CUX1: variants seen among roughly 807,000 people sequenced by gnomAD.
CUX1 encodes the protein cut like homeobox 1.
Under a neutral mutation model 158.8 loss-of-function variants are expected in CUX1, and 31 were observed. The ratio of observed to expected loss-of-function variants is 0.20; its 90% CI spans 0.15 to 0.26. The LOEUF is 0.26. CUX1 is among the 10% of genes least tolerant of loss of function. CUX1 has a pLI of 1.00. For synonymous variants in CUX1, 879 were observed against 862.1 expected, an observed-to-expected ratio of 1.02 and a Z score of -0.34; for missense variants, 1,589 against 2,014.6, an observed-to-expected ratio of 0.79 and a Z score of 4.04.
chr7:102,124,042 C>T (rs530839791), intron 8 of CUX1, among the ~76,000 whole-genome samples: 1 of 152,208 alleles, frequency 6.6e-6, no homozygotes, highest in African/African-American at 2.4e-5. Flanking sequence ...CTGGGTTTGG[C>T]GTGCATTCCT....
At chr7:102,079,345 C>T (rs558765458) in intron 4 of CUX1, among the ~76,000 whole-genome samples, 3 of 151,760 alleles carry the variant, frequency 2.0e-5, no homozygotes, top group East Asian at 1.9e-4. Context: ...TGCTGAGTCA[C>T]GAGAATCGCT....
intron 3 of CUX1, among the ~76,000 whole-genome samples, chr7:102,065,978 A>T (rs1306324197): frequency 6.6e-6 from 1 of 151,986 alleles, no homozygotes; most frequent in Non-Finnish European, 1.5e-5. Flanking sequence ...TTTAGTAGAG[A>T]CAGGGTTTCA....
At chr7:102,060,586 TATATATACACACACACAAATAAACACAC>T (rs769113975) in intron 3 of CUX1, among the ~76,000 whole-genome samples, 38 of 140,042 alleles carry the variant, frequency 2.7e-4, no homozygotes, top group African/African-American at 6.2e-4. Flanking sequence ...TATACATATA[TATATATACACACACACAAATAAACACAC>T]ACACACACAC....
At chr7:102,172,106 G>A (rs1554510593) in intron 10 of CUX1, among the ~76,000 whole-genome samples, 1 of 151,862 alleles carries the variant, frequency 6.6e-6, no homozygotes, top group African/African-American at 2.4e-5. Flanking sequence ...TTTTTTTTGA[G>A]AGAGAGTCTT....
rs782452574 is a variant in CUX1, at chr7:102,201,540, C to T, written c.2243C>T (p.Thr748Ile). 1.1e-5 allele frequency: 18 copies of T among 1,614,046 alleles called. No homozygotes were observed. The highest frequency in any genetic ancestry group is 2.7e-5 in the African/African-American group (2 of 74,912). Reference sequence around the variant, plus strand: ...ATCCTCACCCCCAAGCTTCTGTCCACCTCGCCCATGCCCACCGTGTCCAGC... The same window carrying T: ...ATCCTCACCCCCAAGCTTCTGTCCATCTCGCCCATGCCCACCGTGTCCAGC... The part of the protein sequence containing the change: ...ITILTPKLLS[T>I]SPMPTVSSYP... Residue 748 changes from threonine (T) to isoleucine (I), a missense_variant, in exon 18 of 24, where the codon ACC becomes ATC. Thr to Ile is a moderately conservative substitution (Grantham distance 89, BLOSUM62 -1). Transcript: ENST00000292535. The surrounding 1 kb of genome is among the most constrained non-coding windows in gnomAD (Gnocchi z 5.0).
At chr7:102,260,612 T>TG (rs1268610894), downstream of CUX1, among the ~76,000 whole-genome samples, 6 of 75,202 alleles carry the variant, frequency 8.0e-5, no homozygotes, top group Admixed American at 2.0e-4. Context: ...TTAGTAGAGA[T>TG]GGGGTTTCAC....
chr7:102,264,119 C>T (rs997134636), intron 14 of CUX1, among the ~76,000 whole-genome samples: 3 of 151,076 alleles, frequency 2.0e-5, no homozygotes, highest in Non-Finnish European at 4.4e-5. Flanking sequence ...GATTCTCCTG[C>T]CTCAGCCTCC....
chr7:102,160,777 G>A (rs1163252997), intron 9 of CUX1, among the ~76,000 whole-genome samples: 3 of 152,162 alleles, frequency 2.0e-5, no homozygotes, highest in African/African-American at 7.2e-5. Context: ...TGACTGCCAG[G>A]GACGAGGAGA....
intron 2 of CUX1, among the ~76,000 whole-genome samples, chr7:102,025,970 A>T (rs929317153): frequency 5.9e-5 from 9 of 152,020 alleles, no homozygotes; most frequent in Non-Finnish European, 1.3e-4. Flanking sequence ...TGAGTCCAGG[A>T]ATTCAAGACC....
intron 17 of CUX1, among the ~76,000 whole-genome samples, chr7:102,275,655 G>C (rs2132816784): frequency 6.6e-6 from 1 of 152,254 alleles, no homozygotes; most frequent in South Asian, 2.1e-4. Context: ...GGGAGGCGTG[G>C]CCTTCAATCT....
At chr7:102,062,197 A>C (rs1417770465) in intron 3 of CUX1, among the ~76,000 whole-genome samples, 1 of 152,200 alleles carries the variant, frequency 6.6e-6, no homozygotes, top group African/African-American at 2.4e-5. Context: ...GACATCACTG[A>C]GGAGGGAAAG....
chr7:102,106,865 C>T (rs1317956634), intron 6 of CUX1, among the ~76,000 whole-genome samples: 1 of 152,180 alleles, frequency 6.6e-6, no homozygotes, highest in Admixed American at 6.5e-5. Context: ...GCTAAGCCCT[C>T]CTTTGGGGCT....
chr7:102,056,645 A>T (rs1333277150), intron 3 of CUX1, among the ~76,000 whole-genome samples: 3 of 152,212 alleles, frequency 2.0e-5, no homozygotes, highest in African/African-American at 7.2e-5. Context: ...ACTTCAGCAC[A>T]CTGCAACCTC....
chr7:102,060,139 G>C (rs983234118), intron 3 of CUX1, among the ~76,000 whole-genome samples: 1 of 151,928 alleles, frequency 6.6e-6, no homozygotes, highest in Non-Finnish European at 1.5e-5. Flanking sequence ...GTAGCTGGGC[G>C]TGGTAGTGGG....
chr7:101,922,222 C>G (rs999873428), intron 2 of CUX1, among the ~76,000 whole-genome samples: 10 of 152,316 alleles, frequency 6.6e-5, no homozygotes, highest in Non-Finnish European at 1.5e-4. Flanking sequence ...AACCCTATCT[C>G]CATTCTTTAA....
intron 1 of CUX1, among the ~76,000 whole-genome samples, chr7:101,820,480 A>G (rs1482397626): frequency 1.3e-5 from 2 of 152,252 alleles, no homozygotes; most frequent in Admixed American, 1.3e-4. Flanking sequence ...TCAAATATAC[A>G]GGATCCAGGA....
At position 101,984,115 on chromosome 7, in the gene CUX1, TATATATATATATATAC is replaced by T. The variant is rs1474898643; in HGVS notation, c.142-43981_142-43966del. Among the ~76,000 whole-genome samples the T allele has an allele frequency of 4.8e-4, 23 of 47,438 alleles. 3 individuals carry two copies. Among genetic ancestry groups the T allele is most frequent in the East Asian group, 2.5e-3 (8 of 3,216 alleles). 31.1% of individuals were successfully genotyped at this position (47,438 alleles called of 152,430 possible). ...ATATATATATATATATATATATATA[TATATATATATATATAC>T]ACACACACATATATATATGTGTGTG... On this transcript the variant is annotated intron_variant, in intron 2 of 23. Transcript: ENST00000292535.
intron 13 of CUX1, chr7:102,194,240 CTG>C (rs1794567217): frequency 3.9e-6 from 1 of 257,742 alleles, no homozygotes; most frequent in Non-Finnish European, 7.4e-6. Context: ...AAACTGGTAA[CTG>C]AAGTGAAATT....
intron 1 of CUX1, among the ~76,000 whole-genome samples, chr7:101,861,679 G>A (rs1407292314): frequency 1.3e-5 from 2 of 152,134 alleles, no homozygotes; most frequent in Non-Finnish European, 2.9e-5. Flanking sequence ...GGTGCTTATG[G>A]GCTAGTGAGA....
Sources: gnomAD v4.1 joint callset for allele counts (sites outside exome capture counted in the v4.1 genomes callset) on GRCh38, gnomAD v4.1.1 for gene constraint, Gnocchi (gnomAD v3.1) non-coding constraint, MANE v1.5 for transcripts, NCBI Gene and HGNC (gene_info 2026-07-23, HGNC 2026-07-21) for gene names.